The following MAN1A1 variants were observed in gnomAD, a reference collection of about 807,000 sequenced individuals.
MAN1A1 encodes the protein mannosidase alpha class 1A member 1.
In MAN1A1, 29 loss-of-function variants were observed where a neutral mutation model predicts 70.8. That is an observed-to-expected ratio of 0.41 (90% confidence interval 0.31 to 0.56). MAN1A1 has a LOEUF of 0.56. Ranked by LOEUF, MAN1A1 falls within the 20% of genes least tolerant of loss-of-function variation. The pLI is 0.29. For missense variants in MAN1A1, 747 were observed against 841.3 expected (o/e 0.89, Z 1.39); for synonymous variants, 349 against 330.1 (o/e 1.06, Z -0.62).
At chr6:119,288,049 A>G (rs1463545703) in intron 5 of MAN1A1, among the ~76,000 whole-genome samples, 1 of 151,802 alleles carries the variant, frequency 6.6e-6, no homozygotes, top group Non-Finnish European at 1.5e-5. Flanking sequence ...TACTACAGGT[A>G]CTTCATGTTT....
chr6:119,190,138 T>C (rs368740365), intron 9 of MAN1A1, among the ~76,000 whole-genome samples: 3 of 152,208 alleles, frequency 2.0e-5, no homozygotes, highest in Non-Finnish European at 2.9e-5. Context: ...TGACCAAACA[T>C]TGTATTCCTC....
intron 8 of MAN1A1, among the ~76,000 whole-genome samples, chr6:119,199,376 G>A (rs952330712): frequency 1.3e-5 from 2 of 152,148 alleles, no homozygotes; most frequent in East Asian, 1.9e-4. Flanking sequence ...CTGTGAAACA[G>A]TAAGTGGCTA....
chr6:119,180,453 A>AT (rs113987794), intron 11 of MAN1A1, 26 bp from the exon 12 acceptor site: 7 of 1,229,430 alleles, frequency 5.7e-6, no homozygotes, highest in Non-Finnish European at 8.3e-6. Context: ...GGAAAAAAAA[A>AT]AGTCACATTT....
intron 8 of MAN1A1, among the ~76,000 whole-genome samples, chr6:119,197,078 G>A (rs1163289278): frequency 2.0e-5 from 3 of 152,210 alleles, no homozygotes; most frequent in African/African-American, 7.2e-5. Context: ...GGAGGCCGGG[G>A]AGGGCGGATC....
At chr6:119,187,019 T>C (rs987179264) in intron 11 of MAN1A1, among the ~76,000 whole-genome samples, 4 of 152,192 alleles carry the variant, frequency 2.6e-5, no homozygotes, top group African/African-American at 7.2e-5. Flanking sequence ...ACCAACCTTA[T>C]GATCTCATAA....
At chr6:119,282,536 A>G (rs1184851365) in intron 5 of MAN1A1, among the ~76,000 whole-genome samples, 2 of 152,240 alleles carry the variant, frequency 1.3e-5, no homozygotes, top group African/African-American at 4.8e-5. Context: ...CTCATTAACC[A>G]TGGAAATTTA....
chr6:119,254,027 A>G (rs1459774783), intron 5 of MAN1A1, among the ~76,000 whole-genome samples: 1 of 152,210 alleles, frequency 6.6e-6, no homozygotes, highest in Non-Finnish European at 1.5e-5. Flanking sequence ...AGGTTACTAG[A>G]GGAAGAATCC....
intron 6 of MAN1A1, among the ~76,000 whole-genome samples, chr6:119,235,167 A>G (rs2114291889): frequency 6.6e-6 from 1 of 152,272 alleles, no homozygotes. Flanking sequence ...TAACCCAACA[A>G]TGGACTCTGA....
intron 8 of MAN1A1, 87 bp downstream of exon 8, chr6:119,201,167 A>G: frequency 1.0e-6 from 1 of 977,670 alleles, no homozygotes; most frequent in Non-Finnish European, 1.6e-6. Context: ...ACATTTCTCA[A>G]CAAAATCTGT....
intron 3 of MAN1A1, 63 bp from the exon 4 acceptor site, chr6:119,302,166 C>T: frequency 1.3e-6 from 1 of 750,240 alleles, no homozygotes; most frequent in Non-Finnish European, 2.3e-6. Context: ...TGTAAATTGA[C>T]CATAACTAAG....
chr6:119,289,138 G>A (rs1463047016), intron 5 of MAN1A1, among the ~76,000 whole-genome samples: 5 of 151,670 alleles, frequency 3.3e-5, no homozygotes, highest in African/African-American at 1.2e-4. Context: ...TTAAAACACT[G>A]AGTGAAAACG....
intron 2 of MAN1A1, among the ~76,000 whole-genome samples, chr6:119,310,895 T>A (rs1772682125): frequency 6.6e-6 from 1 of 152,210 alleles, no homozygotes; most frequent in African/African-American, 2.4e-5. Context: ...TCCCTTTTCC[T>A]CTTTGCCTGC....
intron 5 of MAN1A1, among the ~76,000 whole-genome samples, chr6:119,254,385 G>C (rs1303637524): frequency 6.6e-6 from 1 of 152,120 alleles, no homozygotes; most frequent in African/African-American, 2.4e-5. Context: ...GAGTAAGGCT[G>C]ATCATTTCTG....
intron 5 of MAN1A1, among the ~76,000 whole-genome samples, chr6:119,275,880 G>A (rs1490846827): frequency 1.3e-5 from 2 of 152,234 alleles, no homozygotes; most frequent in Non-Finnish European, 2.9e-5. Context: ...CTTTGCTACA[G>A]ACAGCAGAGT....
chr6:119,182,646 T>G (rs1200194484), intron 11 of MAN1A1, among the ~76,000 whole-genome samples: 1 of 152,132 alleles, frequency 6.6e-6, no homozygotes, highest in Non-Finnish European at 1.5e-5. Context: ...AATTATATGG[T>G]CAAATAAAAA....
chr6:119,180,676 CT>C (rs1773128221), intron 11 of MAN1A1, among the ~76,000 whole-genome samples: 1 of 151,996 alleles, frequency 6.6e-6, no homozygotes, highest in African/African-American at 2.4e-5. Context: ...CCATGCCTGG[CT>C]AATTTTTTGT....
At chr6:119,318,042 G>A (rs1379171651) in intron 2 of MAN1A1, among the ~76,000 whole-genome samples, 4 of 152,036 alleles carry the variant, frequency 2.6e-5, no homozygotes, top group Middle Eastern at 3.4e-3. Context: ...TATTATCTGG[G>A]CATAACAATA....
intron 5 of MAN1A1, among the ~76,000 whole-genome samples, chr6:119,282,137 G>C (rs897927910): frequency 1.3e-5 from 2 of 152,130 alleles, no homozygotes; most frequent in Admixed American, 6.6e-5. Context: ...TAGGTTTCAA[G>C]CACTCACTTG....
At chr6:119,284,754 A>T (rs908767563) in intron 5 of MAN1A1, among the ~76,000 whole-genome samples, 1 of 151,954 alleles carries the variant, frequency 6.6e-6, no homozygotes, top group African/African-American at 2.4e-5. Flanking sequence ...TATTTGAGAG[A>T]TTTTTAAATT....
Sources: gnomAD v4.1 joint callset for allele counts (sites outside exome capture counted in the v4.1 genomes callset) on GRCh38, gnomAD v4.1.1 for gene constraint, MANE v1.5 for transcripts, NCBI Gene and HGNC (gene_info 2026-07-23, HGNC 2026-07-21) for gene names.